Variants in RIC1 observed in about 807,000 individuals in gnomAD.
The protein encoded by RIC1 is RIC1 partner of RAB6A GEF complex.
In RIC1, 88 loss-of-function variants were observed where a neutral mutation model predicts 169.0. The observed-to-expected ratio is 0.52, with a 90% CI of 0.44 to 0.62. RIC1 has a LOEUF of 0.62. Ranked by LOEUF, RIC1 falls within the 20% of genes least tolerant of loss-of-function variation. The probability of loss-of-function intolerance (pLI) is 0.00; values close to 1 mark genes in which losing one functional copy is unlikely to be tolerated. For missense variants in RIC1, 1,877 were observed against 1,725.5 expected (o/e 1.09, Z -1.56); for synonymous variants, 790 against 601.5 (o/e 1.31, Z -4.59).
chr9:5,686,596 GA>G lies in RIC1; in HGVS notation c.253-3361del, dbSNP rs546289727. Among the ~76,000 whole-genome samples the G allele has an allele frequency of 1.2e-4, 16 of 137,104 alleles. No homozygotes were observed. The East Asian group carries it at 3.5e-3, about 30-fold the overall frequency. The allele number at this position is 137,104 out of a possible 152,430, so 89.9% of individuals were successfully genotyped here. On this transcript the variant is annotated intron_variant, in intron 2 of 25. Transcript: ENST00000414202. ...GAACAATGAGATCACAGGGAGACAT[GA>G]AGGGGAATATCACACTCTGGGGACT...
chr9:5,767,165 A>G (rs1486853200), intron 21 of RIC1, among the ~76,000 whole-genome samples: 1 of 152,212 alleles, frequency 6.6e-6, no homozygotes, highest in African/African-American at 2.4e-5. Context: ...TAAAGTCGTA[A>G]TTTTACCTTT....
At chr9:5,713,385 C>G (rs1823051284) in intron 3 of RIC1, 1 of 152,492 alleles carries the variant, frequency 6.6e-6, no homozygotes, top group Middle Eastern at 3.4e-3. Flanking sequence ...CTACTTATTA[C>G]TAAGTAACTT....
At chr9:5,681,630 G>A (rs1166529435) in intron 2 of RIC1, among the ~76,000 whole-genome samples, 1 of 152,190 alleles carries the variant, frequency 6.6e-6, no homozygotes, top group Non-Finnish European at 1.5e-5. Flanking sequence ...TTGATTTGGG[G>A]TGGAGAGTTC....
Position 5,656,685 on chromosome 9 carries a change from G to C in RIC1, c.247G>C (p.Val83Leu). ...GAGGCCAGATAGTACCATGATAGCT[G>C]TATCAGTAAGTAGATTTTACCGCTA... is the stretch of plus-strand genomic sequence containing the variant. ...EWRPDSTMIA[V>L]STANGYILFF... Residue 83 changes from valine to leucine, a missense_variant, in exon 2 of 26, where the codon GTA (valine) becomes CTA (leucine). Physicochemically the swap from Val to Leu is conservative, Grantham distance 32 (BLOSUM62 1). Transcript: ENST00000414202. 2 of 1,552,972 alleles carry C rather than the reference G, an allele frequency of 1.3e-6. No homozygotes were observed.
At chr9:5,689,456 G>A (rs955418814) in intron 2 of RIC1, among the ~76,000 whole-genome samples, 1 of 152,096 alleles carries the variant, frequency 6.6e-6, no homozygotes, top group African/African-American at 2.4e-5. Flanking sequence ...TGTATCTGGG[G>A]CTATATTTTG....
At chr9:5,629,527 C>G (rs1351094734) in intron 1 of RIC1, 74 bp downstream of exon 1, 1 of 1,459,826 alleles carries the variant, frequency 6.9e-7, no homozygotes, top group East Asian at 2.8e-5. Context: ...CCAACTTCCA[C>G]CCAGAGCCTA....
intron 6 of RIC1, among the ~76,000 whole-genome samples, chr9:5,722,196 C>T (rs933322794): frequency 1.3e-5 from 2 of 148,288 alleles, no homozygotes; most frequent in African/African-American, 5.0e-5. Context: ...CCCATTTCAT[C>T]TTCTTCTTCT....
intron 6 of RIC1, among the ~76,000 whole-genome samples, chr9:5,731,181 A>C (rs1273260163): frequency 6.6e-6 from 1 of 152,150 alleles, no homozygotes; most frequent in African/African-American, 2.4e-5. Flanking sequence ...AAGCAAGCAT[A>C]CAAGTAGAGA....
In RIC1 at chr9:5,656,663, G is replaced by A. The variant is rs1263832567; in HGVS notation, c.225G>A (p.Arg75=). The stretch of plus-strand genomic sequence containing the variant: ...GATCCTACAAGCAAGCTGAATGGAG[G>A]CCAGATAGTACCATGATAGCTGTAT... The part of the protein sequence containing the change: ...QFGSYKQAEW[R]PDSTMIAVST... Residue 75 remains arginine (R), a synonymous_variant, in exon 2 of 26, where the codon AGG becomes AGA. Coordinates refer to ENST00000414202, the MANE Select transcript of RIC1 (RefSeq NM_020829.4). 2 of 1,607,634 alleles carry A rather than the reference G, an allele frequency of 1.2e-6. No individual in the cohort carries two copies. Among genetic ancestry groups the A allele is most frequent in the Non-Finnish European group, 1.7e-6 (2 of 1,175,652 alleles).
chr9:5,732,512 A>C (rs761817894), intron 7 of RIC1, 33 bp downstream of exon 7: 1 of 1,449,308 alleles, frequency 6.9e-7, no homozygotes, highest in South Asian at 1.3e-5. Flanking sequence ...CATTTTTAAG[A>C]GTTGTTGCAA....
intron 1 of RIC1, among the ~76,000 whole-genome samples, chr9:5,634,565 GT>G (rs899324965): frequency 6.6e-6 from 1 of 151,798 alleles, no homozygotes; most frequent in South Asian, 2.1e-4. Context: ...TATCTGTTTT[GT>G]TTTTTTCTCG....
At chr9:5,661,755 A>G (rs1055708661) in intron 2 of RIC1, among the ~76,000 whole-genome samples, 12 of 152,220 alleles carry the variant, frequency 7.9e-5, no homozygotes, top group African/African-American at 2.9e-4. Context: ...GTTTTCTAAT[A>G]TAGGATCATG....
At chr9:5,683,526 C>T (rs964978712) in intron 2 of RIC1, among the ~76,000 whole-genome samples, 3 of 152,242 alleles carry the variant, frequency 2.0e-5, no homozygotes, top group Non-Finnish European at 2.9e-5. Flanking sequence ...CAGAGGAGTA[C>T]CCGGCCGTGT....
intron 2 of RIC1, among the ~76,000 whole-genome samples, chr9:5,685,112 C>G (rs1373955991): frequency 6.6e-6 from 1 of 151,290 alleles, no homozygotes; most frequent in African/African-American, 2.4e-5. Context: ...AACCACTGCT[C>G]AAGGAAATAA....
At chr9:5,670,392 C>G (rs558813554) in intron 2 of RIC1, among the ~76,000 whole-genome samples, 1 of 152,316 alleles carries the variant, frequency 6.6e-6, no homozygotes, top group South Asian at 2.1e-4. Context: ...AGCCCTCCTA[C>G]TATGAATTTT....
intron 16 of RIC1, among the ~76,000 whole-genome samples, 166 bp downstream of exon 16, chr9:5,756,538 T>C (rs1826029023): frequency 1.4e-5 from 2 of 147,946 alleles, no homozygotes; most frequent in South Asian, 4.3e-4. Flanking sequence ...ATATAATAGC[T>C]AAAAAAAAAA....
intron 7 of RIC1, among the ~76,000 whole-genome samples, chr9:5,736,670 A>G (rs993220734): frequency 1.2e-4 from 19 of 152,208 alleles, no homozygotes; most frequent in Non-Finnish European, 8.8e-5. Context: ...GATATTAGAA[A>G]AAGACTGAAA....
intron 3 of RIC1, among the ~76,000 whole-genome samples, chr9:5,691,364 A>C (rs1821582013): frequency 6.6e-6 from 1 of 151,964 alleles, no homozygotes; most frequent in Admixed American, 6.6e-5. Flanking sequence ...TTCAACTCTT[A>C]AATTTTCAAC....
At chr9:5,673,708 G>A (rs994248584) in intron 2 of RIC1, among the ~76,000 whole-genome samples, 9 of 151,474 alleles carry the variant, frequency 5.9e-5, no homozygotes, top group African/African-American at 1.9e-4. Flanking sequence ...AGAACAGTCA[G>A]AAAACACTAA....
Sources: allele counts gnomAD v4.1 joint callset (sites outside exome capture counted in the v4.1 genomes callset), GRCh38; gene constraint gnomAD v4.1.1; transcripts MANE v1.5; gene names NCBI Gene and HGNC (gene_info 2026-07-23, HGNC 2026-07-21).